Variants in GRIN2A observed in about 807,000 individuals in gnomAD.
The protein encoded by GRIN2A is glutamate ionotropic receptor NMDA type subunit 2A, also known as glutamate receptor ionotropic, NMDA 2A.
In GRIN2A, 22 loss-of-function variants were observed where a neutral mutation model predicts 113.4. The ratio of observed to expected loss-of-function variants is 0.19; its 90% CI spans 0.14 to 0.28. GRIN2A has a LOEUF of 0.28. Ranked by LOEUF, GRIN2A falls within the 10% of genes least tolerant of loss-of-function variation. The pLI is 1.00. For synonymous variants in GRIN2A, 827 were observed against 738.4 expected, an observed-to-expected ratio of 1.12 and a Z score of -1.94; for missense variants, 1,502 against 1,887.0, an observed-to-expected ratio of 0.80 and a Z score of 3.78.
At chr16:10,007,876 G>C (rs142594436) in intron 2 of GRIN2A, among the ~76,000 whole-genome samples, 18 of 152,192 alleles carry the variant, frequency 1.2e-4, no homozygotes, top group African/African-American at 4.1e-4. Context: ...ACTTTAGAAT[G>C]GAAGGTCCTA....
intron 2 of GRIN2A, among the ~76,000 whole-genome samples, chr16:10,038,469 T>C (rs1395420066): frequency 6.6e-6 from 1 of 152,086 alleles, no homozygotes; most frequent in East Asian, 1.9e-4. Flanking sequence ...CACTGTAGGT[T>C]ATTTACAAGC....
rs545498936 is a variant in GRIN2A, at chr16:10,126,595, G to T, written c.414+53403C>A. ...ATTTCTCTTCCATTTTTCTTTTAGG[G>T]TGTTTTGTCTTTTTCTTAATTTGTA... is the stretch of plus-strand genomic sequence containing the variant. On this transcript the variant is annotated intron_variant, in intron 2 of 12. Transcript: ENST00000330684. Among the ~76,000 whole-genome samples, 12 of 152,082 alleles carry T rather than the reference G, an allele frequency of 7.9e-5. No homozygotes were observed. The South Asian group carries it at 1.9e-3, about 24-fold the overall frequency.
intron 4 of GRIN2A, among the ~76,000 whole-genome samples, chr16:9,884,128 A>C (rs1778977539): frequency 1.3e-5 from 2 of 152,228 alleles, no homozygotes; most frequent in Admixed American, 1.3e-4. Context: ...CAGTGTACAA[A>C]TATATCAAAA....
intron 2 of GRIN2A, among the ~76,000 whole-genome samples, chr16:9,940,059 AGAGT>A (rs1355382728): frequency 2.8e-5 from 4 of 145,390 alleles, no homozygotes; most frequent in African/African-American, 5.2e-5. Flanking sequence ...AGAGAGAGAG[AGAGT>A]GTGTGTGTGT....
At chr16:9,766,606 A>G (rs1200435293) in intron 12 of GRIN2A, among the ~76,000 whole-genome samples, 1 of 152,152 alleles carries the variant, frequency 6.6e-6, no homozygotes, top group Non-Finnish European at 1.5e-5. Flanking sequence ...ACAAAATAAC[A>G]TCTGCCCCTG....
chr16:9,943,737 T>C (rs2044948579), intron 2 of GRIN2A, among the ~76,000 whole-genome samples: 1 of 152,214 alleles, frequency 6.6e-6, no homozygotes, highest in Non-Finnish European at 1.5e-5. Flanking sequence ...GTGAGATGCA[T>C]CCAGTTTTCC....
At chr16:10,014,245 C>T (rs1310173236) in intron 2 of GRIN2A, among the ~76,000 whole-genome samples, 1 of 152,196 alleles carries the variant, frequency 6.6e-6, no homozygotes, top group Non-Finnish European at 1.5e-5. Context: ...TGGATACCTT[C>T]CCCTTCTCAA....
chr16:10,132,508 G>C (rs941714100), intron 2 of GRIN2A, among the ~76,000 whole-genome samples: 3 of 152,094 alleles, frequency 2.0e-5, no homozygotes, highest in African/African-American at 4.8e-5. Context: ...GCCACACATT[G>C]AGCTATGTCG....
In GRIN2A at chr16:9,782,967, A is replaced by C. The variant is rs576140265; in HGVS notation, c.2357-13878T>G. ...CAGTTAAGTCCTTTATTGCTAATCT[A>C]TGCTTAGAACTGACATATCTCTTAT... is the stretch of plus-strand genomic sequence containing the variant. On this transcript the variant is annotated intron_variant, in intron 11 of 12. Transcript: ENST00000330684. Among the ~76,000 whole-genome samples the C allele has an allele frequency of 1.8e-4, 27 of 152,334 alleles. No individual in the cohort carries two copies. In the Middle Eastern group the frequency reaches 0.01, roughly 58 times the overall value.
intron 2 of GRIN2A, among the ~76,000 whole-genome samples, chr16:10,099,638 T>C (rs183447298): frequency 1.3e-5 from 2 of 152,338 alleles, no homozygotes; most frequent in Admixed American, 1.3e-4. Context: ...TCTTGCCATC[T>C]CTAAGGGTTT....
At chr16:10,119,385 G>A (rs56405051) in intron 2 of GRIN2A, among the ~76,000 whole-genome samples, 128,160 of 152,030 alleles carry the variant, frequency 0.84, 54,833 homozygotes, top group East Asian at 0.92. Context: ...TATTTGATGA[G>A]TTGTTTTCAT....
At chr16:9,880,259 C>T (rs1437014903) in intron 4 of GRIN2A, among the ~76,000 whole-genome samples, 1 of 152,132 alleles carries the variant, frequency 6.6e-6, no homozygotes, top group African/African-American at 2.4e-5. Flanking sequence ...GCCTAGAGGC[C>T]CCTGCATTCC....
chr16:9,988,313 CAG>C (rs2046026163), intron 2 of GRIN2A, among the ~76,000 whole-genome samples: 2 of 115,154 alleles, frequency 1.7e-5, no homozygotes, highest in African/African-American at 6.1e-5. Context: ...GTGTGTGACA[CAG>C]AAAGAGGTCT....
chr16:9,995,569 A>C (rs979099423), intron 2 of GRIN2A, among the ~76,000 whole-genome samples: 4 of 152,170 alleles, frequency 2.6e-5, no homozygotes, highest in Admixed American at 6.6e-5. Flanking sequence ...CAAAGGAAGG[A>C]GGGGTCCAAA....
intron 2 of GRIN2A, among the ~76,000 whole-genome samples, chr16:9,982,677 T>C (rs1304329347): frequency 6.6e-6 from 1 of 152,256 alleles, no homozygotes; most frequent in Non-Finnish European, 1.5e-5. Context: ...CTGCAATTAG[T>C]ATCTTCATTG....
chr16:9,883,048 A>T (rs761785144), intron 4 of GRIN2A, among the ~76,000 whole-genome samples: 5 of 152,156 alleles, frequency 3.3e-5, no homozygotes, highest in Non-Finnish European at 7.4e-5. Context: ...CTTCCATCAC[A>T]CACCAGCTGG....
chr16:9,996,239 T>C lies in GRIN2A; in HGVS notation c.415-57688A>G, dbSNP rs868248788. The stretch of plus-strand genomic sequence containing the variant: ...GAGTTACGTAGGGTGGAAGGGCATC[T>C]CCAACAATTACCCCAACCTGCATCA... On this transcript the variant is annotated intron_variant, in intron 2 of 12. Coordinates refer to ENST00000330684, the MANE Select transcript of GRIN2A (RefSeq NM_001134407.3). Among the ~76,000 whole-genome samples the C allele has an allele frequency of 2.6e-4, 39 of 152,164 alleles. No individual in the cohort carries two copies. The Middle Eastern group carries it at 0.01, about 40-fold the overall frequency.
intron 2 of GRIN2A, among the ~76,000 whole-genome samples, chr16:10,090,402 T>C (rs2048164420): frequency 6.6e-6 from 1 of 152,210 alleles, no homozygotes; most frequent in East Asian, 1.9e-4. Flanking sequence ...CAATTGATTT[T>C]TGACAAACAT....
chr16:9,936,805 C>A (rs2044723245), intron 3 of GRIN2A, among the ~76,000 whole-genome samples: 1 of 151,970 alleles, frequency 6.6e-6, no homozygotes, highest in African/African-American at 2.4e-5. Context: ...AAACAGAGAC[C>A]AGGAGCACTA....
Sources: allele counts gnomAD v4.1 joint callset (sites outside exome capture counted in the v4.1 genomes callset), GRCh38; gene constraint gnomAD v4.1.1; transcripts MANE v1.5; gene names NCBI Gene and HGNC (gene_info 2026-07-23, HGNC 2026-07-21).